The following LHFPL6 variants were observed in gnomAD, a reference collection of about 807,000 sequenced individuals.
LHFPL6 encodes LHFPL tetraspan subfamily member 6, also known as LHFPL tetraspan subfamily member 6 protein.
LHFPL6 carries 9 observed loss-of-function variants against 20.6 expected under a neutral mutation model. The observed-to-expected ratio is 0.44, with a 90% CI of 0.26 to 0.76. The LOEUF is 0.76. LHFPL6 is among the 30% of genes least tolerant of loss of function. The probability of loss-of-function intolerance (pLI) is 0.20; values close to 1 mark genes in which losing one functional copy is unlikely to be tolerated. For missense variants in LHFPL6, 218 were observed against 253.5 expected, an observed-to-expected ratio of 0.86 and a Z score of 0.95; for synonymous variants, 105 against 98.7, an observed-to-expected ratio of 1.06 and a Z score of -0.38.
intron 2 of LHFPL6, among the ~76,000 whole-genome samples, chr13:39,399,846 C>T (rs202166628): frequency 6.6e-6 from 1 of 152,206 alleles, no homozygotes; most frequent in Non-Finnish European, 1.5e-5. Flanking sequence ...GTAATCCCAG[C>T]ACTTTGGGAG....
chr13:39,464,072 G>C (rs1404543443), intron 2 of LHFPL6, among the ~76,000 whole-genome samples: 1 of 152,140 alleles, frequency 6.6e-6, no homozygotes. Context: ...AGAGGGCATT[G>C]TAAACTAAGG....
At chr13:39,553,905 G>A (rs1337069624) in intron 2 of LHFPL6, among the ~76,000 whole-genome samples, 2 of 152,172 alleles carry the variant, frequency 1.3e-5, no homozygotes, top group African/African-American at 4.8e-5. Flanking sequence ...TGAAAAAAAG[G>A]TCAGACTAAC....
chr13:39,523,307 C>T (rs9566450), intron 2 of LHFPL6, among the ~76,000 whole-genome samples: 2,769 of 152,270 alleles, frequency 0.018, 66 homozygotes, highest in East Asian at 0.095. Flanking sequence ...CGGTGGCTCA[C>T]GCCTGTAATC....
chr13:39,508,802 A>G (rs903850375), intron 2 of LHFPL6, among the ~76,000 whole-genome samples: 21 of 152,160 alleles, frequency 1.4e-4, no homozygotes, highest in Admixed American at 2.0e-4. Context: ...AACTAACAAA[A>G]CTCATACACA....
At chr13:39,382,551 G>A (rs150739940) in intron 2 of LHFPL6, among the ~76,000 whole-genome samples, 70 of 151,984 alleles carry the variant, frequency 4.6e-4, no homozygotes, top group Admixed American at 3.5e-3. Context: ...CCCCATGCCC[G>A]GCTGATTTTT....
chr13:39,409,264 G>A (rs1871195243), intron 2 of LHFPL6, among the ~76,000 whole-genome samples: 1 of 151,968 alleles, frequency 6.6e-6, no homozygotes, highest in African/African-American at 2.4e-5. Flanking sequence ...GACTACCCTG[G>A]CCAACATGGT....
At chr13:39,431,238 C>T (rs1271159384) in intron 2 of LHFPL6, among the ~76,000 whole-genome samples, 1 of 152,182 alleles carries the variant, frequency 6.6e-6, no homozygotes, top group Non-Finnish European at 1.5e-5. Context: ...AGAACTGTAA[C>T]ACTCACTGCG....
chr13:39,366,910 A>G (rs1593287110), intron 3 of LHFPL6, among the ~76,000 whole-genome samples: 1 of 152,342 alleles, frequency 6.6e-6, no homozygotes, highest in East Asian at 1.9e-4. Flanking sequence ...TATTTTTATT[A>G]TAATGGACAC....
chr13:39,533,584 A>G (rs1870530372), intron 2 of LHFPL6, among the ~76,000 whole-genome samples: 1 of 152,096 alleles, frequency 6.6e-6, no homozygotes, highest in African/African-American at 2.4e-5. Flanking sequence ...CTGATGGAAA[A>G]CCACTCATCT....
At chr13:39,363,605 G>C (rs1016566015) in intron 3 of LHFPL6, among the ~76,000 whole-genome samples, 2 of 152,076 alleles carry the variant, frequency 1.3e-5, no homozygotes, top group African/African-American at 4.8e-5. Context: ...TGAGAACACT[G>C]CTCCCCAGGA....
chr13:39,568,019 T>A (rs968523399), intron 2 of LHFPL6, among the ~76,000 whole-genome samples: 32 of 152,250 alleles, frequency 2.1e-4, no homozygotes, highest in African/African-American at 7.7e-4. Flanking sequence ...TCTATCTCTT[T>A]CCACTACAGG....
At chr13:39,447,214 G>GT (rs1294596345) in intron 2 of LHFPL6, among the ~76,000 whole-genome samples, 8 of 152,316 alleles carry the variant, frequency 5.3e-5, no homozygotes, top group Non-Finnish European at 1.0e-4. Flanking sequence ...AGCACAAAAG[G>GT]ATCAATATGC....
At chr13:39,529,396 T>A (rs1363630286) in intron 2 of LHFPL6, among the ~76,000 whole-genome samples, 2 of 152,154 alleles carry the variant, frequency 1.3e-5, no homozygotes, top group African/African-American at 2.4e-5. Flanking sequence ...CTGGCCCAAT[T>A]CCCTTATTTC....
At chr13:39,511,334 T>C (rs1378438619) in intron 2 of LHFPL6, among the ~76,000 whole-genome samples, 3 of 152,342 alleles carry the variant, frequency 2.0e-5, no homozygotes, top group African/African-American at 7.2e-5. Context: ...ACAGTCATTT[T>C]TGGCTAAAAA....
intron 1 of LHFPL6, among the ~76,000 whole-genome samples, chr13:39,602,432 T>C (rs1044510471): frequency 2.6e-5 from 4 of 152,128 alleles, no homozygotes; most frequent in Non-Finnish European, 5.9e-5. Context: ...CTTTTTTTTC[T>C]AATCTTGTCA....
At chr13:39,348,850 T>A (rs1349891222) in intron 3 of LHFPL6, among the ~76,000 whole-genome samples, 1 of 152,144 alleles carries the variant, frequency 6.6e-6, no homozygotes, top group Non-Finnish European at 1.5e-5. Flanking sequence ...CTTGCTCAGG[T>A]GTAATTGTAA....
At chr13:39,470,686 T>C (rs1872921243) in intron 2 of LHFPL6, among the ~76,000 whole-genome samples, 1 of 152,100 alleles carries the variant, frequency 6.6e-6, no homozygotes, top group African/African-American at 2.4e-5. Context: ...TAGACAAACA[T>C]GTAAAACTAC....
chr13:39,500,073 T>C (rs1721290159), intron 2 of LHFPL6, among the ~76,000 whole-genome samples: 1 of 152,168 alleles, frequency 6.6e-6, no homozygotes, highest in African/African-American at 2.4e-5. Flanking sequence ...GATAAGCCAG[T>C]TTCTCTCTGT....
chr13:39,434,154 A>T (rs1156725060), intron 2 of LHFPL6, among the ~76,000 whole-genome samples: 1 of 152,172 alleles, frequency 6.6e-6, no homozygotes, highest in Non-Finnish European at 1.5e-5. Context: ...ATTTGGGGAG[A>T]TCTTTTCTCA....
Sources: gnomAD v4.1 joint callset for allele counts (sites outside exome capture counted in the v4.1 genomes callset) on GRCh38, gnomAD v4.1.1 for gene constraint, MANE v1.5 for transcripts, NCBI Gene and HGNC (gene_info 2026-07-23, HGNC 2026-07-21) for gene names.